TAFA5: variants seen among roughly 807,000 people sequenced by gnomAD.
TAFA5 encodes the protein TAFA chemokine like family member 5, also known as chemokine-like protein TAFA-5.
In TAFA5, 6 loss-of-function variants were observed where a neutral mutation model predicts 15.3. The observed-to-expected ratio is 0.39, with a 90% CI of 0.21 to 0.77. The LOEUF (loss-of-function observed/expected upper bound fraction) is 0.77. Ranked by LOEUF, TAFA5 falls within the 30% of genes least tolerant of loss-of-function variation. TAFA5 has a pLI of 0.41. For missense variants in TAFA5, 161 were observed against 193.1 expected (o/e 0.83, Z 0.98); for synonymous variants, 103 against 80.7 (o/e 1.28, Z -1.48).
intron 1 of TAFA5, among the ~76,000 whole-genome samples, chr22:48,631,797 C>T (rs1310324420): frequency 6.6e-6 from 1 of 152,160 alleles, no homozygotes; most frequent in Non-Finnish European, 1.5e-5. Context: ...TGTAAAGGGT[C>T]TGCGTGGCCG....
chr22:48,563,582 G>T (rs947268495), intron 1 of TAFA5, among the ~76,000 whole-genome samples: 81 of 152,352 alleles, frequency 5.3e-4, no homozygotes, highest in African/African-American at 1.8e-3. Context: ...TCTTGCTGCT[G>T]CCGGGCAGGC....
intron 1 of TAFA5, among the ~76,000 whole-genome samples, chr22:48,589,985 A>ATG (rs1924502279): frequency 3.5e-5 from 3 of 85,780 alleles, no homozygotes; most frequent in South Asian, 3.7e-4. Context: ...ATTGCAGCCG[A>ATG]CGTGTGTGTG....
At chr22:48,633,333 C>G (rs1379340333) in intron 1 of TAFA5, among the ~76,000 whole-genome samples, 1 of 152,176 alleles carries the variant, frequency 6.6e-6, no homozygotes, top group Non-Finnish European at 1.5e-5. Context: ...CACAGATATT[C>G]CTGAATGTTG....
At chr22:48,531,109 C>T (rs919154439) in intron 1 of TAFA5, among the ~76,000 whole-genome samples, 10 of 152,280 alleles carry the variant, frequency 6.6e-5, no homozygotes, top group African/African-American at 2.2e-4. Context: ...TGCCTGCCGA[C>T]GTGGCTGGGC....
chr22:48,545,755 C>G (rs537615466), intron 1 of TAFA5: 1 of 152,524 alleles, frequency 6.6e-6, no homozygotes, highest in East Asian at 1.9e-4. Flanking sequence ...TACCTAGTGC[C>G]CCAAGGAGAT....
At chr22:48,740,491 G>A (rs1238204610) in intron 3 of TAFA5, among the ~76,000 whole-genome samples, 1 of 152,192 alleles carries the variant, frequency 6.6e-6, no homozygotes, top group African/African-American at 2.4e-5. Context: ...GGGCTTACCA[G>A]GGGGGCAGGG....
intron 2 of TAFA5, among the ~76,000 whole-genome samples, chr22:48,704,981 G>C (rs915311556): frequency 3.3e-5 from 5 of 149,328 alleles, no homozygotes; most frequent in Admixed American, 6.8e-5. Context: ...GAGAGAGAGA[G>C]AGACAGAGAA....
chr22:48,626,936 T>G (rs1437520210), intron 1 of TAFA5, among the ~76,000 whole-genome samples: 1 of 152,154 alleles, frequency 6.6e-6, no homozygotes. Flanking sequence ...TCCAGCCCCG[T>G]GCTGAGACCT....
chr22:48,493,063 C>T (rs1446670560), intron 1 of TAFA5, among the ~76,000 whole-genome samples: 1 of 152,180 alleles, frequency 6.6e-6, no homozygotes, highest in African/African-American at 2.4e-5. Context: ...TAGGATAGAA[C>T]AGCAGCAAGG....
chr22:48,586,755 T>C (rs1362366791), intron 1 of TAFA5, among the ~76,000 whole-genome samples: 2 of 152,186 alleles, frequency 1.3e-5, no homozygotes, highest in African/African-American at 4.8e-5. Flanking sequence ...TCTGGAATCT[T>C]CCATGCACAG....
chr22:48,627,291 A>G (rs1420788145), intron 1 of TAFA5, among the ~76,000 whole-genome samples: 1 of 152,214 alleles, frequency 6.6e-6, no homozygotes, highest in Non-Finnish European at 1.5e-5. Flanking sequence ...GTCTTGGTAC[A>G]GTGAAGGATG....
chr22:48,507,245 G>A lies in TAFA5; in HGVS notation c.112+17541G>A, dbSNP rs375939388. On this transcript the variant is annotated intron_variant, in intron 1 of 3. Coordinates refer to ENST00000402357, the MANE Select transcript of TAFA5 (RefSeq NM_001082967.3). ...GAGGAGAAGGAGACAGTCATCAAGG[G>A]CCAGGTGTGCAGTTGGAGGAGAAGG... Among the ~76,000 whole-genome samples the A allele has an allele frequency of 2.7e-5, 4 of 150,422 alleles. No homozygotes were observed. The East Asian group carries it at 6.5e-4, about 24-fold the overall frequency.
intron 3 of TAFA5, among the ~76,000 whole-genome samples, chr22:48,711,942 G>T (rs911320430): frequency 2.6e-5 from 4 of 152,254 alleles, no homozygotes; most frequent in African/African-American, 7.2e-5. Flanking sequence ...GGGCCTAAGG[G>T]TGCTGCTGCC....
chr22:48,608,380 T>C (rs578191632), intron 1 of TAFA5, among the ~76,000 whole-genome samples: 2 of 152,260 alleles, frequency 1.3e-5, no homozygotes, highest in Admixed American at 1.3e-4. Context: ...TGCGCTGAAA[T>C]ACGGTTTTGC....
intron 1 of TAFA5, among the ~76,000 whole-genome samples, chr22:48,611,037 G>A (rs779089659): frequency 2.0e-5 from 3 of 151,812 alleles, no homozygotes; most frequent in South Asian, 4.2e-4. Context: ...GGGTTCAAGC[G>A]ATTCTCCTGC....
chr22:48,493,439 A>G (rs912607875), intron 1 of TAFA5, among the ~76,000 whole-genome samples: 4 of 152,244 alleles, frequency 2.6e-5, no homozygotes, highest in African/African-American at 9.6e-5. Context: ...TAGGCACTGT[A>G]GTGTTGCATT....
chr22:48,639,506 C>T (rs539685163), intron 1 of TAFA5, among the ~76,000 whole-genome samples: 20 of 152,344 alleles, frequency 1.3e-4, no homozygotes, highest in Non-Finnish European at 2.2e-4. Flanking sequence ...GGAGCTGCTC[C>T]AGAGGGCCCA....
At chr22:48,651,305 C>T (rs1221489444) in intron 2 of TAFA5, among the ~76,000 whole-genome samples, 3 of 152,180 alleles carry the variant, frequency 2.0e-5, no homozygotes, top group African/African-American at 4.8e-5. Context: ...GCAGTCATGG[C>T]ACAGCGCAGA....
rs1400764673 is a variant in TAFA5 at position 48,566,544 on chromosome 22, G to A, written c.112+76840G>A. 6.6e-6 allele frequency among the ~76,000 whole-genome samples: 1 copy of A among 152,188 alleles called. No individual in the cohort carries two copies. Among genetic ancestry groups the A allele is most frequent in the African/African-American group, 2.4e-5 (1 of 41,434 alleles). On this transcript the variant is annotated intron_variant, in intron 1 of 3. Coordinates refer to ENST00000402357, the MANE Select transcript of TAFA5 (RefSeq NM_001082967.3). This position sits in a 1 kb window ranked among gnomAD's most constrained non-coding sequence, Gnocchi z 4.5. Reference sequence around the variant, plus strand: ...TGAGTGGAAAGATGAAGGGGCCTATGAGGATGTTTGGCCTCTTTAGGGAGG... The same window carrying A: ...TGAGTGGAAAGATGAAGGGGCCTATAAGGATGTTTGGCCTCTTTAGGGAGG...
Sources: allele counts gnomAD v4.1 joint callset (sites outside exome capture counted in the v4.1 genomes callset), GRCh38; gene constraint gnomAD v4.1.1; non-coding constraint Gnocchi (gnomAD v3.1); transcripts MANE v1.5; gene names NCBI Gene and HGNC (gene_info 2026-07-23, HGNC 2026-07-21).